The following SLC14A2 variants were observed in gnomAD, a reference collection of about 807,000 sequenced individuals.
SLC14A2 encodes solute carrier family 14 member 2, also known as urea transporter 2.
Under a neutral mutation model 104.6 loss-of-function variants are expected in SLC14A2, and 91 were observed. The observed-to-expected ratio is 0.87, with a 90% CI of 0.73 to 1.04. The LOEUF (loss-of-function observed/expected upper bound fraction) is 1.04. Among genes scored for constraint, SLC14A2 ranks in the 50% least tolerant of loss-of-function variants. The probability of loss-of-function intolerance (pLI) is 0.00; values close to 1 mark genes in which losing one functional copy is unlikely to be tolerated. For missense variants in SLC14A2, 1,189 were observed against 1,156.0 expected (o/e 1.03, Z -0.41); for synonymous variants, 476 against 466.4 (o/e 1.02, Z -0.27).
rs138158754 is a variant in SLC14A2, at chr18:45,426,544, A to ATGTGTG, written c.-124-56673_-124-56668dup. On this transcript the variant is annotated intron_variant, in intron 1 of 20. Transcript: ENST00000586448. ...ACAAGCAGAGCCGAATGAGATCAGC[A>ATGTGTG]TGTGTGTGTGTGTGTGTGTGTATAC... Among the ~76,000 whole-genome samples the ATGTGTG allele has an allele frequency of 3.3e-3, 428 of 131,140 alleles. 3 individuals are homozygous for ATGTGTG. Among genetic ancestry groups the ATGTGTG allele is most frequent in the African/African-American group, 0.014 (405 of 28,292 alleles). 86.0% of individuals were successfully genotyped at this position (131,140 alleles called of 152,430 possible).
chr18:45,641,630 T>C (rs1405632188), intron 8 of SLC14A2, among the ~76,000 whole-genome samples: 2 of 152,218 alleles, frequency 1.3e-5, no homozygotes, highest in South Asian at 2.1e-4. Flanking sequence ...ATTCCTGCTC[T>C]CTATAACTCT....
intron 1 of SLC14A2, among the ~76,000 whole-genome samples, chr18:45,381,120 C>A (rs867729289): frequency 1.3e-5 from 2 of 152,182 alleles, no homozygotes; most frequent in Non-Finnish European, 2.9e-5. Context: ...GTTCTTGAAC[C>A]TTTCTGATAA....
At chr18:45,170,885 A>T in the SLC14A2 span, among the ~76,000 whole-genome samples, 1 of 152,200 alleles carries the variant, frequency 6.6e-6, no homozygotes, top group Non-Finnish European at 1.5e-5. Context: ...TTACAAAATG[A>T]TAAAAGGTGC....
intron 1 of SLC14A2, among the ~76,000 whole-genome samples, chr18:45,240,157 T>A (rs888494194): frequency 7.1e-6 from 1 of 140,386 alleles, no homozygotes; most frequent in Non-Finnish European, 1.5e-5. Context: ...AGTACAGTGG[T>A]GCAATCTCGG....
intron 1 of SLC14A2, among the ~76,000 whole-genome samples, chr18:45,384,022 C>A (rs1241976083): frequency 6.6e-6 from 1 of 152,062 alleles, no homozygotes; most frequent in Admixed American, 6.5e-5. Flanking sequence ...TTTAGAGAGT[C>A]AAGGAAGGTC....
chr18:45,402,932 T>A (rs1250783257), intron 1 of SLC14A2, among the ~76,000 whole-genome samples: 1 of 152,210 alleles, frequency 6.6e-6, no homozygotes, highest in Non-Finnish European at 1.5e-5. Context: ...TACCTCAACT[T>A]CCAGTTGTTA....
the SLC14A2 span, among the ~76,000 whole-genome samples, chr18:45,205,723 G>C: frequency 2.6e-5 from 4 of 152,194 alleles, no homozygotes; most frequent in Admixed American, 2.6e-4. Flanking sequence ...TGAAGATTCT[G>C]TGGATCCTTC....
intron 2 of SLC14A2, among the ~76,000 whole-genome samples, chr18:45,526,469 T>C (rs780997362): frequency 6.6e-6 from 1 of 152,080 alleles, no homozygotes; most frequent in South Asian, 2.1e-4. Flanking sequence ...GCACTATGGA[T>C]ATGGAAGAAA....
intron 1 of SLC14A2, among the ~76,000 whole-genome samples, chr18:45,228,587 G>A (rs2084142677): frequency 6.6e-6 from 1 of 152,136 alleles, no homozygotes; most frequent in Non-Finnish European, 1.5e-5. Context: ...TTTCTTCAGA[G>A]GGATTTCTGG....
intron 1 of SLC14A2, among the ~76,000 whole-genome samples, chr18:45,384,170 T>A (rs937599074): frequency 5.9e-5 from 9 of 152,162 alleles, no homozygotes; most frequent in African/African-American, 2.2e-4. Context: ...GTCTTTGTGC[T>A]TTCTCTTAAA....
intron 1 of SLC14A2, among the ~76,000 whole-genome samples, chr18:45,303,119 C>T (rs1193906612): frequency 6.6e-6 from 1 of 152,188 alleles, no homozygotes; most frequent in Non-Finnish European, 1.5e-5. Flanking sequence ...GGGCAGCCCC[C>T]ATAATCACAG....
intron 2 of SLC14A2, among the ~76,000 whole-genome samples, chr18:45,491,859 T>G (rs1420984203): frequency 6.6e-6 from 1 of 152,220 alleles, no homozygotes; most frequent in African/African-American, 2.4e-5. Context: ...CAAGGACCAC[T>G]GGGGTCCCAG....
chr18:45,637,452 C>T (rs1270586269), intron 6 of SLC14A2, among the ~76,000 whole-genome samples: 11 of 152,228 alleles, frequency 7.2e-5, no homozygotes, highest in African/African-American at 2.2e-4. Context: ...ACATTCTATA[C>T]GGGGAAACAG....
intron 1 of SLC14A2, among the ~76,000 whole-genome samples, chr18:45,464,828 G>A (rs2542997): frequency 0.25 from 37,976 of 152,064 alleles, 4,773 homozygotes; most frequent in Non-Finnish European, 0.27. Flanking sequence ...TGGTACAAGC[G>A]GCAGTTTCTG....
chr18:45,422,338 A>T (rs9950405), intron 1 of SLC14A2, among the ~76,000 whole-genome samples: 3,983 of 152,302 alleles, frequency 0.026, 179 homozygotes, highest in African/African-American at 0.091. Context: ...CTAGCAAAAA[A>T]TAACTGGATT....
At chr18:45,480,080 T>G (rs963260743) in intron 1 of SLC14A2, among the ~76,000 whole-genome samples, 1 of 152,104 alleles carries the variant, frequency 6.6e-6, no homozygotes, top group African/African-American at 2.4e-5. Flanking sequence ...GCCTTTGACT[T>G]AAGGAAGCAA....
chr18:45,235,951 GTA>G (rs1236092997), intron 1 of SLC14A2, among the ~76,000 whole-genome samples: 2 of 95,190 alleles, frequency 2.1e-5, no homozygotes, highest in Admixed American at 1.1e-4. Flanking sequence ...ATATATGTGT[GTA>G]TATATGTATA....
intron 1 of SLC14A2, among the ~76,000 whole-genome samples, chr18:45,217,882 C>G (rs80093488): frequency 2.0e-5 from 3 of 152,234 alleles, no homozygotes; most frequent in African/African-American, 7.2e-5. Context: ...AGAATATTTT[C>G]AAAAAGATAT....
At chr18:45,570,947 C>T (rs1297120476) in intron 2 of SLC14A2, among the ~76,000 whole-genome samples, 1 of 152,170 alleles carries the variant, frequency 6.6e-6, no homozygotes, top group East Asian at 1.9e-4. Context: ...ATGTAGTAGG[C>T]ACTCAGTAAA....
Sources: gnomAD v4.1 joint callset for allele counts (sites outside exome capture counted in the v4.1 genomes callset) on GRCh38, gnomAD v4.1.1 for gene constraint, MANE v1.5 for transcripts, NCBI Gene and HGNC (gene_info 2026-07-23, HGNC 2026-07-21) for gene names.